ARHGAP8: variants seen among roughly 807,000 people sequenced by gnomAD.
ARHGAP8 encodes the protein Rho GTPase activating protein 8.
A neutral mutation model predicts 46.1 loss-of-function variants in ARHGAP8; 62 were observed. The ratio of observed to expected loss-of-function variants is 1.34; its 90% CI spans 1.10 to 1.66. The LOEUF (loss-of-function observed/expected upper bound fraction) is 1.66. Ranked by LOEUF, ARHGAP8 falls within the 40% of genes most tolerant of loss-of-function variation. The probability of loss-of-function intolerance (pLI) is 0.00; values close to 1 mark genes in which losing one functional copy is unlikely to be tolerated. For synonymous variants in ARHGAP8, 375 were observed against 243.1 expected, an observed-to-expected ratio of 1.54 and a Z score of -5.05; for missense variants, 923 against 568.4, an observed-to-expected ratio of 1.62 and a Z score of -6.34.
At chr22:44,861,522 C>A (rs543448352) in intron 11 of ARHGAP8, among the ~76,000 whole-genome samples, 1 of 152,188 alleles carries the variant, frequency 6.6e-6, no homozygotes, top group African/African-American at 2.4e-5. Context: ...CTCAACAGAT[C>A]TGTGAGGGTG....
At chr22:44,808,164 C>G in intron 3 of ARHGAP8, 143 bp from the exon 4 acceptor site, 1 of 1,283,884 alleles carries the variant, frequency 7.8e-7, no homozygotes, top group East Asian at 2.5e-5. Context: ...AAATGAGGAC[C>G]GGGGCCCACG....
Position 44,848,960 on chromosome 22 carries a change from G to C in ARHGAP8, c.777G>C (p.Gly259=). 6.2e-7 allele frequency: 1 copy of C among 1,614,108 alleles called. No homozygotes were observed. The highest frequency in any genetic ancestry group is 1.7e-5 in the Admixed American group (1 of 60,024). Residue 259 remains glycine, a synonymous_variant, in exon 10 of 12, where the codon GGG becomes GGC. Transcript: ENST00000356099. ...AGCCCGTGAACTTTGACGACTACGG[G>C]GACATTCACATCCCTGCCGTGATCC... ...QGKPVNFDDY[G]DIHIPAVILK... is the part of the protein sequence containing the mutation.
At chr22:44,784,535 A>G (rs894156766) in intron 1 of ARHGAP8, among the ~76,000 whole-genome samples, 4 of 152,318 alleles carry the variant, frequency 2.6e-5, no homozygotes, top group Admixed American at 6.5e-5. Flanking sequence ...TGCAAACACT[A>G]TGCCATTTTC....
chr22:44,760,774 A>C (rs745317090), intron 1 of ARHGAP8, among the ~76,000 whole-genome samples: 4 of 152,244 alleles, frequency 2.6e-5, no homozygotes, highest in Non-Finnish European at 5.9e-5. Flanking sequence ...TTTCCTTTGC[A>C]TAACATCCAC....
At chr22:44,845,442 G>T (rs2069930737) in intron 8 of ARHGAP8, 100 bp downstream of exon 8, 4 of 1,535,986 alleles carry the variant, frequency 2.6e-6, no homozygotes, top group Admixed American at 1.8e-5. Flanking sequence ...GCCAGGGGGT[G>T]TGACCAGGAA....
chr22:44,799,240 C>T (rs984785496), intron 2 of ARHGAP8, among the ~76,000 whole-genome samples: 1 of 152,224 alleles, frequency 6.6e-6, no homozygotes, highest in African/African-American at 2.4e-5. Context: ...GCCTTCAAAG[C>T]CACCAAGGCT....
intron 7 of ARHGAP8, among the ~76,000 whole-genome samples, chr22:44,832,512 C>G (rs1214717821): frequency 6.6e-6 from 1 of 152,120 alleles, no homozygotes; most frequent in African/African-American, 2.4e-5. Context: ...AGGCATGAGC[C>G]ACCACACCCG....
intron 1 of ARHGAP8, chr22:44,786,222 A>G (rs1225927543): frequency 2.9e-5 from 17 of 592,538 alleles, no homozygotes; most frequent in Non-Finnish European, 4.4e-5. Context: ...ACTGATGTAG[A>G]GTGTATAATG....
chr22:44,766,668 G>A (rs1925599478), intron 1 of ARHGAP8, among the ~76,000 whole-genome samples: 1 of 152,104 alleles, frequency 6.6e-6, no homozygotes, highest in African/African-American at 2.4e-5. Flanking sequence ...ACCCTTCCGG[G>A]GGCTCTCTCT....
intron 2 of ARHGAP8, among the ~76,000 whole-genome samples, chr22:44,795,224 A>AT (rs1927996083): frequency 1.3e-5 from 2 of 152,216 alleles, no homozygotes; most frequent in African/African-American, 4.8e-5. Flanking sequence ...TGAATGAATG[A>AT]GTCAGCACTG....
chr22:44,823,526 G>A (rs761997680), intron 6 of ARHGAP8, among the ~76,000 whole-genome samples: 1 of 152,088 alleles, frequency 6.6e-6, no homozygotes, highest in Admixed American at 6.5e-5. Context: ...TGGGCCGGGA[G>A]TCCTTGGTGC....
chr22:44,838,977 G>A (rs1931471348), intron 7 of ARHGAP8, among the ~76,000 whole-genome samples: 1 of 152,230 alleles, frequency 6.6e-6, no homozygotes, highest in Non-Finnish European at 1.5e-5. Context: ...TGGAGAAACT[G>A]AAGCTGGAGA....
chr22:44,774,758 G>A (rs1257654298), intron 1 of ARHGAP8, among the ~76,000 whole-genome samples: 2 of 147,740 alleles, frequency 1.4e-5, no homozygotes, highest in African/African-American at 5.0e-5. Flanking sequence ...CTGACCTCAG[G>A]TGCTCCACCC....
intron 10 of ARHGAP8, among the ~76,000 whole-genome samples, chr22:44,854,708 A>G (rs943163167): frequency 2.6e-5 from 4 of 152,106 alleles, no homozygotes; most frequent in African/African-American, 9.7e-5. Flanking sequence ...GCACCATCTC[A>G]GCTCACTGCA....
chr22:44,753,444 C>T (rs1172464536), intron 1 of ARHGAP8, among the ~76,000 whole-genome samples: 6 of 152,100 alleles, frequency 3.9e-5, no homozygotes, highest in Non-Finnish European at 2.9e-5. Flanking sequence ...TGGTCTCGAC[C>T]ACCTGACCTC....
At chr22:44,809,169 G>A (rs563524560) in intron 4 of ARHGAP8, 28 of 471,078 alleles carry the variant, frequency 5.9e-5, no homozygotes, top group Middle Eastern at 6.5e-4. Flanking sequence ...TAGCTTTGCA[G>A]GCCTGTTGCT....
chr22:44,778,088 G>A (rs1273478950), intron 1 of ARHGAP8, among the ~76,000 whole-genome samples: 2 of 151,572 alleles, frequency 1.3e-5, no homozygotes, highest in Non-Finnish European at 2.9e-5. Context: ...ACATGAGTAC[G>A]TTCTTTAGTG....
intron 11 of ARHGAP8, among the ~76,000 whole-genome samples, chr22:44,860,666 G>A (rs1452500786): frequency 6.6e-6 from 1 of 152,088 alleles, no homozygotes; most frequent in South Asian, 2.1e-4. Flanking sequence ...AATGACCAGA[G>A]AGAGAGAAAC....
In ARHGAP8 at chr22:44,848,023, CG is replaced by C. The variant is rs775387813; in HGVS notation, c.722del (p.Arg241ProfsTer13). Reference sequence around the variant, plus strand: ...GAGATCCGCCAGCGTGCAGACCGTCCGCGAGATCCAGAGGCTCTACAACCAA... The same window carrying C: ...GAGATCCGCCAGCGTGCAGACCGTCCCGAGATCCAGAGGCTCTACAACCAA... ...FRRSASVQTV[R>X]EIQRLYNQGK... On this transcript the variant is annotated frameshift_variant, in exon 9 of 12. Transcript: ENST00000356099. LOFTEE classifies it high-confidence loss of function. 1 of 1,607,774 alleles carries C rather than the reference CG, an allele frequency of 6.2e-7. No individual in the cohort carries two copies. Among genetic ancestry groups the C allele is most frequent in the Non-Finnish European group, 8.5e-7 (1 of 1,179,956 alleles).
Sources: gnomAD v4.1 joint callset for allele counts (sites outside exome capture counted in the v4.1 genomes callset) on GRCh38, gnomAD v4.1.1 for gene constraint, MANE v1.5 for transcripts, NCBI Gene and HGNC (gene_info 2026-07-23, HGNC 2026-07-21) for gene names.